The following ULK4 variants were observed in gnomAD, a reference collection of about 807,000 sequenced individuals.
The protein encoded by ULK4 is inactive serine/threonine-protein kinase ULK4.
In ULK4, 133 loss-of-function variants were observed where a neutral mutation model predicts 160.6. That is an observed-to-expected ratio of 0.83 (90% CI 0.72 to 0.96). The LOEUF is 0.96. ULK4 is among the 40% of genes least tolerant of loss of function. The pLI is 0.00. For synonymous variants in ULK4, 534 were observed against 539.8 expected (o/e 0.99, Z 0.15); for missense variants, 1,580 against 1,499.5 (o/e 1.05, Z -0.89).
chr3:41,363,931 TC>T (rs2081199854), intron 35 of ULK4, among the ~76,000 whole-genome samples: 1 of 125,774 alleles, frequency 8.0e-6, no homozygotes. Flanking sequence ...AAATTCTCTC[TC>T]TTTTTTTTTT....
chr3:41,860,067 A>G (rs989424314), intron 17 of ULK4, among the ~76,000 whole-genome samples: 3 of 152,084 alleles, frequency 2.0e-5, no homozygotes, highest in Non-Finnish European at 4.4e-5. Flanking sequence ...ATTAATTTCT[A>G]GTTTTAATCC....
chr3:41,473,903 A>C (rs2084064929), intron 32 of ULK4, among the ~76,000 whole-genome samples: 1 of 152,144 alleles, frequency 6.6e-6, no homozygotes, highest in African/African-American at 2.4e-5. Context: ...ATATTGTTAA[A>C]ATGTCCGTTC....
chr3:41,568,987 C>T (rs1373075891), intron 31 of ULK4, among the ~76,000 whole-genome samples: 1 of 152,172 alleles, frequency 6.6e-6, no homozygotes, highest in African/African-American at 2.4e-5. Context: ...TTACAGAACT[C>T]AGGAAAACAC....
chr3:41,249,470 C>A lies in ULK4; in HGVS notation c.3764+19G>T, dbSNP rs747184875. 2 of 1,608,718 alleles carry A rather than the reference C, an allele frequency of 1.2e-6. No homozygotes were observed. Among genetic ancestry groups the A allele is most frequent in the Non-Finnish European group, 8.5e-7 (1 of 1,177,158 alleles). ...TGCTGATCTAGAGCAGACTGCTGAT[C>A]CTCCTGGGTCCCACTTACCCACTCC... On this transcript the variant is annotated intron_variant, in intron 36 of 36. Coordinates refer to ENST00000301831, the MANE Select transcript of ULK4 (RefSeq NM_017886.4).
At chr3:41,290,718 T>C (rs778290584) in intron 35 of ULK4, among the ~76,000 whole-genome samples, 2 of 152,228 alleles carry the variant, frequency 1.3e-5, no homozygotes, top group African/African-American at 2.4e-5. Flanking sequence ...CTCTAGGTCA[T>C]GTGCTCCCTG....
At chr3:41,720,948 AT>A (rs2037432047) in intron 22 of ULK4, among the ~76,000 whole-genome samples, 1 of 152,176 alleles carries the variant, frequency 6.6e-6, no homozygotes, top group Non-Finnish European at 1.5e-5. Flanking sequence ...ACATCAAAAA[AT>A]TGGGGTAGGA....
At chr3:41,772,454 A>T (rs554453255) in intron 21 of ULK4, among the ~76,000 whole-genome samples, 1 of 152,150 alleles carries the variant, frequency 6.6e-6, no homozygotes, top group Non-Finnish European at 1.5e-5. Flanking sequence ...CTACGCAAAT[A>T]AACTAGAAAA....
chr3:41,528,655 C>T (rs1258331282), intron 32 of ULK4, among the ~76,000 whole-genome samples: 1 of 152,124 alleles, frequency 6.6e-6, no homozygotes, highest in Admixed American at 6.6e-5. Context: ...GAAAGATATG[C>T]TTTGTAGCAC....
chr3:41,762,521 GT>G (rs1559533982), intron 21 of ULK4, among the ~76,000 whole-genome samples: 1 of 152,066 alleles, frequency 6.6e-6, no homozygotes, highest in Admixed American at 6.6e-5. Context: ...AAGGAAAGAG[GT>G]TTGATTAACT....
At chr3:41,483,186 G>T (rs2084388620) in intron 32 of ULK4, among the ~76,000 whole-genome samples, 1 of 151,992 alleles carries the variant, frequency 6.6e-6, no homozygotes, top group Admixed American at 6.6e-5. Flanking sequence ...CAGTCTCTGG[G>T]AATAAGATCA....
chr3:41,505,918 A>G (rs1056366228), intron 32 of ULK4, among the ~76,000 whole-genome samples: 2 of 152,158 alleles, frequency 1.3e-5, no homozygotes, highest in African/African-American at 4.8e-5. Flanking sequence ...TCAATCTTCT[A>G]TTAAATATGA....
At chr3:41,423,569 C>T (rs138960121) in intron 34 of ULK4, among the ~76,000 whole-genome samples, 4 of 152,042 alleles carry the variant, frequency 2.6e-5, no homozygotes, top group Admixed American at 6.5e-5. Context: ...GATTCAAAAG[C>T]GTCTTACAGA....
chr3:41,543,921 A>G (rs2086773836), intron 32 of ULK4, among the ~76,000 whole-genome samples: 1 of 152,124 alleles, frequency 6.6e-6, no homozygotes, highest in Admixed American at 6.6e-5. Context: ...ATGTGACATC[A>G]TTTCCACACT....
intron 29 of ULK4, among the ~76,000 whole-genome samples, chr3:41,674,310 T>C (rs1415536678): frequency 1.3e-5 from 2 of 152,226 alleles, no homozygotes; most frequent in Non-Finnish European, 1.5e-5. Context: ...AGTTCCTTGA[T>C]AATGACTTTG....
At chr3:41,738,104 T>C (rs561396115) in intron 22 of ULK4, among the ~76,000 whole-genome samples, 3 of 151,954 alleles carry the variant, frequency 2.0e-5, no homozygotes, top group Non-Finnish European at 4.4e-5. Context: ...ATCATTCCCA[T>C]TTAAACTATT....
intron 21 of ULK4, among the ~76,000 whole-genome samples, chr3:41,782,360 C>G (rs562319936): frequency 2.0e-5 from 3 of 152,198 alleles, no homozygotes; most frequent in Non-Finnish European, 2.9e-5. Context: ...TGTCAGAAGA[C>G]AAAGCATTAT....
At chr3:41,808,954 G>C (rs2040735022) in intron 19 of ULK4, among the ~76,000 whole-genome samples, 1 of 152,034 alleles carries the variant, frequency 6.6e-6, no homozygotes, top group Non-Finnish European at 1.5e-5. Flanking sequence ...GGATCACGAG[G>C]TCAGAAGTTT....
At chr3:41,780,437 C>G (rs538493468) in intron 21 of ULK4, among the ~76,000 whole-genome samples, 1 of 152,076 alleles carries the variant, frequency 6.6e-6, no homozygotes, top group Non-Finnish European at 1.5e-5. Context: ...GTGGCACCCA[C>G]CAAAGGTCTT....
In ULK4 at chr3:41,343,454, G is replaced by A. The variant is rs573502011; in HGVS notation, c.3678+54625C>T. ...TGGGTAGCTGGGATTATAGGCACAC[G>A]CCACCACGCCTGGCTAATTTTTGTA... On this transcript the variant is annotated intron_variant, in intron 35 of 36. Transcript: ENST00000301831. Among the ~76,000 whole-genome samples the A allele has an allele frequency of 6.6e-4, 101 of 151,922 alleles. 1 individual carries two copies. The highest frequency in any genetic ancestry group is 2.1e-3 in the African/African-American group (86 of 41,442).
Sources: gnomAD v4.1 joint callset for allele counts (sites outside exome capture counted in the v4.1 genomes callset) on GRCh38, gnomAD v4.1.1 for gene constraint, MANE v1.5 for transcripts, NCBI Gene and HGNC (gene_info 2026-07-23, HGNC 2026-07-21) for gene names.